EXPH5: variants seen among roughly 807,000 people sequenced by gnomAD.
The protein encoded by EXPH5 is exophilin-5.
Under a neutral mutation model 41.1 loss-of-function variants are expected in EXPH5, and 42 were observed. The observed-to-expected ratio is 1.02, with a 90% CI of 0.80 to 1.32. The LOEUF is 1.32. Among genes scored for constraint, EXPH5 ranks in the 40% most tolerant of loss-of-function variants. The pLI is 0.00. For missense variants in EXPH5, 2,298 were observed against 2,314.5 expected (o/e 0.99, Z 0.15); for synonymous variants, 798 against 833.5 (o/e 0.96, Z 0.73).
chr11:108,542,013 G>A (rs1380432208), intron 1 of EXPH5, among the ~76,000 whole-genome samples: 1 of 152,020 alleles, frequency 6.6e-6, no homozygotes, highest in Non-Finnish European at 1.5e-5. Flanking sequence ...AAGTAGCTGA[G>A]ACCACAGACG....
At chr11:108,595,710 G>A (rs2094137975), upstream of EXPH5, among the ~76,000 whole-genome samples, 1 of 152,214 alleles carries the variant, frequency 6.6e-6, no homozygotes, top group African/African-American at 2.4e-5. Context: ...AGGTGATTGT[G>A]AAAAAAGTTC....
chr11:108,600,512 T>A, the EXPH5 span, among the ~76,000 whole-genome samples: 7 of 152,206 alleles, frequency 4.6e-5, no homozygotes, highest in Non-Finnish European at 7.3e-5. Flanking sequence ...AACTTGTGAC[T>A]TAAGAAGGCA....
At chr11:108,516,859 A>G (rs990432198) in intron 5 of EXPH5, among the ~76,000 whole-genome samples, 1 of 152,252 alleles carries the variant, frequency 6.6e-6, no homozygotes, top group African/African-American at 2.4e-5. Flanking sequence ...CTATAGCCAC[A>G]ATAAAATAAT....
chr11:108,599,022 C>T, the EXPH5 span, among the ~76,000 whole-genome samples: 36 of 4,892 alleles, frequency 7.4e-3, no homozygotes, highest in Admixed American at 0.039. Context: ...GTAAGCCCTC[C>T]GGAAAAAGAG....
At chr11:108,554,864 C>G (rs1207606676) in intron 1 of EXPH5, among the ~76,000 whole-genome samples, 4 of 152,222 alleles carry the variant, frequency 2.6e-5, no homozygotes, top group Non-Finnish European at 4.4e-5. Flanking sequence ...GCAGAGGTTG[C>G]AGTGAGCCAA....
chr11:108,510,296 G>C lies in EXPH5; in HGVS notation c.5211C>G (p.Phe1737Leu). 1 of 1,614,180 alleles carries C rather than the reference G, an allele frequency of 6.2e-7. No individual in the cohort carries two copies. Among genetic ancestry groups the C allele is most frequent in the Non-Finnish European group, 8.5e-7 (1 of 1,180,042 alleles). Residue 1737 changes from phenylalanine to leucine, a missense_variant, in exon 6 of 6, where the codon TTC (phenylalanine) becomes TTG (leucine). By Grantham distance (22) the Phe-to-Leu change is conservative. Transcript: ENST00000265843. ...RESGAPSPIT[F>L]TSLREAEFSD... ...AGAATTCTGCTTCCCTGAGGCTGGT[G>C]AATGTGATGGGTGATGGGGCTCCTG...
At chr11:108,542,334 CTTT>C (rs11336102) in intron 1 of EXPH5, among the ~76,000 whole-genome samples, 50 of 147,578 alleles carry the variant, frequency 3.4e-4, no homozygotes, top group African/African-American at 1.1e-3. Context: ...TAGGTGTATT[CTTT>C]TTTTTTTTTC....
intron 1 of EXPH5, among the ~76,000 whole-genome samples, chr11:108,543,115 G>A (rs1195752961): frequency 6.6e-6 from 1 of 152,146 alleles, no homozygotes; most frequent in Non-Finnish European, 1.5e-5. Context: ...AAGGGATGGG[G>A]TAATTTGAGA....
At chr11:108,590,589 C>A (rs966537453) in intron 1 of EXPH5, among the ~76,000 whole-genome samples, 2 of 152,110 alleles carry the variant, frequency 1.3e-5, no homozygotes, top group African/African-American at 4.8e-5. Context: ...TACCCTCACA[C>A]CTATCTCAGA....
rs1425286455 is a variant in EXPH5, at chr11:108,513,769, G to C, written c.1738C>G (p.Pro580Ala). The change falls in exon 6 of 6, where the codon CCA becomes GCA. Residue 580 changes from proline (P) to alanine (A), a missense_variant. By Grantham distance (27) the Pro-to-Ala change is conservative (BLOSUM62 -1). Coordinates refer to ENST00000265843, the MANE Select transcript of EXPH5 (RefSeq NM_015065.3). ...ETQLTPHFGT[P>A]NVCSMTGSSY... is the part of the protein sequence containing the mutation. ...GAACCAGTCATGGAGCAAACATTTG[G>C]TGTGCCAAAATGAGGAGTCAACTGG... 4 of 1,604,540 alleles carry C rather than the reference G, an allele frequency of 2.5e-6. No homozygotes were observed. The highest frequency in any genetic ancestry group is 2.2e-5 in the East Asian group (1 of 44,878).
Position 108,512,342 on chromosome 11 carries a change from T to G in EXPH5, c.3165A>C (p.Lys1055Asn). The change falls in exon 6 of 6, where the codon AAA becomes AAC. Residue 1055 changes from lysine (K) to asparagine (N), a missense_variant. Coordinates refer to ENST00000265843, the MANE Select transcript of EXPH5 (RefSeq NM_015065.3). ...LRNGPPPFQIKNNVEDAMGNY... is the reference protein window; with the variant it reads ...LRNGPPPFQINNNVEDAMGNY... ...TCCCCATTGCATCTTCCACATTATT[T>G]TTGATTTGGAAGGGAGGTGGCCCAT... 1 of 1,612,600 alleles carries G rather than the reference T, an allele frequency of 6.2e-7. No homozygotes were observed. Among genetic ancestry groups the G allele is most frequent in the Non-Finnish European group, 8.5e-7 (1 of 1,179,562 alleles).
chr11:108,567,287 C>T (rs1228135102), intron 1 of EXPH5, among the ~76,000 whole-genome samples: 2 of 152,306 alleles, frequency 1.3e-5, no homozygotes, highest in East Asian at 1.9e-4. Flanking sequence ...TGAAGATTTA[C>T]GTATTCCAAC....
chr11:108,600,399 A>AT, the EXPH5 span, among the ~76,000 whole-genome samples: 171 of 151,996 alleles, frequency 1.1e-3, 1 homozygote, highest in African/African-American at 3.6e-3. Context: ...ATGTATTTGG[A>AT]TTTTTTTTCT....
intron 5 of EXPH5, among the ~76,000 whole-genome samples, chr11:108,515,820 C>G (rs1438869665): frequency 6.6e-6 from 1 of 152,164 alleles, no homozygotes; most frequent in East Asian, 1.9e-4. Context: ...TGCCTGTAAT[C>G]CCAGCACTTT....
intron 1 of EXPH5, among the ~76,000 whole-genome samples, chr11:108,552,925 G>A (rs1055438029): frequency 3.9e-5 from 6 of 152,070 alleles, no homozygotes; most frequent in African/African-American, 1.4e-4. Flanking sequence ...GCCGGGTGCG[G>A]TGGCTCATGC....
At chr11:108,539,703 A>G (rs1047911093) in intron 2 of EXPH5, among the ~76,000 whole-genome samples, 11 of 152,288 alleles carry the variant, frequency 7.2e-5, no homozygotes, top group South Asian at 2.1e-4. Flanking sequence ...TTTGCATGTA[A>G]CATATACAGG....
At chr11:108,543,851 C>A (rs909330567) in intron 1 of EXPH5, among the ~76,000 whole-genome samples, 3 of 152,196 alleles carry the variant, frequency 2.0e-5, no homozygotes, top group African/African-American at 7.2e-5. Context: ...CATTTCCACC[C>A]TCCGATGCGT....
rs201558671 is a variant in EXPH5, at chr11:108,509,968, G to C, written c.5539C>G (p.Arg1847Gly). 8.9e-5 allele frequency: 143 copies of C among 1,613,406 alleles called. No homozygotes were observed. The highest frequency in any genetic ancestry group is 5.3e-5 in the African/African-American group (4 of 74,864). ...NEFSVNNGYS[R>G]RFRSFSELPS... ...AGTTCAGAAAAAGATCTGAATCTTC[G>C]ACTGTACCCATTGTTGACAGAGAAT... Residue 1847 changes from arginine to glycine, a missense_variant, in exon 6 of 6, where the codon CGA (arginine) becomes GGA (glycine). By Grantham distance (125) the Arg-to-Gly change is moderately radical. Transcript: ENST00000265843.
upstream of EXPH5, among the ~76,000 whole-genome samples, chr11:108,598,536 CAG>C (rs35981394): frequency 0.8 from 120,865 of 151,804 alleles, 49,894 homozygotes; most frequent in Non-Finnish European, 0.91. Context: ...AGAAAATTAA[CAG>C]AGTGATATGG....
Sources: gnomAD v4.1 joint callset for allele counts (sites outside exome capture counted in the v4.1 genomes callset) on GRCh38, gnomAD v4.1.1 for gene constraint, MANE v1.5 for transcripts, NCBI Gene and HGNC (gene_info 2026-07-23, HGNC 2026-07-21) for gene names.